Variants in INTS10 observed in about 807,000 individuals in gnomAD.
The protein encoded by INTS10 is integrator complex subunit 10.
In INTS10, 44 loss-of-function variants were observed where a neutral mutation model predicts 94.4. That is an observed-to-expected ratio of 0.47 (90% CI 0.37 to 0.60). The LOEUF is 0.60. INTS10 is among the 20% of genes least tolerant of loss of function. The probability of loss-of-function intolerance (pLI) is 0.00; values close to 1 mark genes in which losing one functional copy is unlikely to be tolerated. For synonymous variants in INTS10, 341 were observed against 320.7 expected, an observed-to-expected ratio of 1.06 and a Z score of -0.68; for missense variants, 797 against 868.7, an observed-to-expected ratio of 0.92 and a Z score of 1.04.
At position 19,849,130 on chromosome 8, in the gene INTS10, G is replaced by A. The variant is rs1400022214; in HGVS notation, c.1977-2519G>A. On this transcript the variant is annotated intron_variant, in intron 16 of 16. Transcript: ENST00000397977. This position sits in a 1 kb window ranked among gnomAD's most constrained non-coding sequence, Gnocchi z 4.6. ...CAGTGCAGGGTGAGTCGGTGTGGGT[G>A]TTTGAATGCTGCTGTTTGCTGTTTT... The A allele has an allele frequency of 6.8e-6, 8 of 1,168,524 alleles. No individual in the cohort carries two copies. In the South Asian group the frequency reaches 1.0e-4, roughly 15 times the overall value. 72.4% of individuals were successfully genotyped at this position (1,168,524 alleles called of 1,614,324 possible).
At chr8:19,821,695 T>C (rs1052073737) in intron 4 of INTS10, 1 of 151,800 alleles carries the variant, frequency 6.6e-6, no homozygotes, top group African/African-American at 2.4e-5. Flanking sequence ...AAAGATACTT[T>C]TTTTAAAAAA....
intron 15 of INTS10, 55 bp downstream of exon 15, chr8:19,844,293 A>G: frequency 8.0e-7 from 1 of 1,252,864 alleles, no homozygotes; most frequent in East Asian, 2.4e-5. Context: ...TAGAATGAAT[A>G]CATGATAGAA....
Position 19,849,229 on chromosome 8 carries a change from A to T in INTS10, c.1977-2420A>T. The T allele has an allele frequency of 7.8e-7, 1 of 1,288,822 alleles. No homozygotes were observed. The highest frequency in any genetic ancestry group is 1.5e-5 in the African/African-American group (1 of 65,912). 79.8% of individuals were successfully genotyped at this position (1,288,822 alleles called of 1,614,324 possible). A position where few individuals can be genotyped will look rare whatever the true frequency, so the allele number is the denominator to read the frequency against. ...ACCTGTGCTTCAGCCCAGCATACAG[A>T]CTGCTGACAGGTACCAAGTGGAATC... is the stretch of plus-strand genomic sequence containing the variant. On this transcript the variant is annotated intron_variant, in intron 16 of 16. Transcript: ENST00000397977. This position sits in a 1 kb window ranked among gnomAD's most constrained non-coding sequence, Gnocchi z 4.6.
chr8:19,834,223 C>G (rs2067472155), intron 12 of INTS10, among the ~76,000 whole-genome samples: 1 of 152,094 alleles, frequency 6.6e-6, no homozygotes, highest in Admixed American at 6.6e-5. Context: ...AACTCAAGGC[C>G]ACAGCATAAC....
intron 12 of INTS10, 49 bp from the exon 13 acceptor site, chr8:19,837,003 C>T (rs1342449780): frequency 1.7e-6 from 2 of 1,183,420 alleles, no homozygotes; most frequent in Admixed American, 3.4e-5. Context: ...TATTTGATTT[C>T]AGTTCAGAAA....
intron 1 of INTS10, 93 bp from the exon 2 acceptor site, chr8:19,818,181 TC>T (rs1405723184): frequency 1.6e-6 from 2 of 1,220,916 alleles, no homozygotes; most frequent in Admixed American, 1.7e-5. Context: ...TCTCAGGCCC[TC>T]CCTTCCTGCA....
At chr8:19,818,418 G>T in intron 2 of INTS10, 76 bp downstream of exon 2, 1 of 1,431,256 alleles carries the variant, frequency 7.0e-7, no homozygotes. Flanking sequence ...GCAGAAGTGG[G>T]AGTTGGGGGA....
intron 2 of INTS10, chr8:19,818,647 G>C (rs2128749679): frequency 2.6e-6 from 1 of 380,618 alleles, no homozygotes; most frequent in East Asian, 5.6e-5. Context: ...AAAAGTGAAA[G>C]TGCATCCTAA....
At chr8:19,848,736 G>C (rs1045176428) in intron 16 of INTS10, 4 of 152,706 alleles carry the variant, frequency 2.6e-5, no homozygotes, top group African/African-American at 9.7e-5. Flanking sequence ...TGTTAAAGAT[G>C]GTTACCAGAC....
At position 19,820,402 on chromosome 8, in the gene INTS10, C is replaced by T. The variant is rs1179348774; in HGVS notation, c.325C>T (p.Arg109Trp). The T allele has an allele frequency of 5.6e-6, 9 of 1,611,116 alleles. No individual in the cohort carries two copies. The highest frequency in any genetic ancestry group is 4.5e-5 in the East Asian group (2 of 44,862). ...AGGTTTATTTGAAACTCTTCCTGGT[C>T]GGGTCCAGTGTGAAATGTTACTAAA... is the stretch of plus-strand genomic sequence containing the variant. ...LRSLFETLPG[R>W]VQCEMLLKVT... Residue 109 changes from arginine (R) to tryptophan (W), a missense_variant, in exon 4 of 17, where the codon CGG becomes TGG. By Grantham distance (101) the Arg-to-Trp change is moderately radical. Around this residue, in one of 3 missense-constraint regions of INTS10, gnomAD observed 734 missense variants for 787.8 expected, o/e 0.93. Coordinates refer to ENST00000397977, the MANE Select transcript of INTS10 (RefSeq NM_018142.4).
At position 19,851,781 on chromosome 8, in the gene INTS10, C is replaced by G; in HGVS notation, c.2109C>G (p.Ile703Met). 1.9e-6 allele frequency: 3 copies of G among 1,614,134 alleles called. No individual in the cohort carries two copies. Among genetic ancestry groups the G allele is most frequent in the Non-Finnish European group, 2.5e-6 (3 of 1,180,002 alleles). ...VLHRFCINEK[I>M]LLLQTLT ...ACAGGTTCTGCATTAATGAGAAGATCTTGCTCCTTCAGACTCTGACCTGAG... is the reference window on the plus strand; with the variant it reads ...ACAGGTTCTGCATTAATGAGAAGATGTTGCTCCTTCAGACTCTGACCTGAG... The change falls in exon 17 of 17, where the codon ATC becomes ATG. Residue 703 changes from isoleucine to methionine, a missense_variant. Ile to Met is a conservative substitution (Grantham distance 10). Around this residue, in one of 3 missense-constraint regions of INTS10, gnomAD observed 47 missense variants for 41.8 expected, o/e 1.12. Coordinates refer to ENST00000397977, the MANE Select transcript of INTS10 (RefSeq NM_018142.4). This position sits in a 1 kb window ranked among gnomAD's most constrained non-coding sequence, Gnocchi z 5.0.
At chr8:19,833,689 T>C (rs1214204136) in intron 12 of INTS10, among the ~76,000 whole-genome samples, 1 of 152,138 alleles carries the variant, frequency 6.6e-6, no homozygotes. Context: ...TTTAGCTTAC[T>C]CAAACTTCAG....
At chr8:19,835,259 A>G (rs961659794) in intron 12 of INTS10, among the ~76,000 whole-genome samples, 10 of 152,076 alleles carry the variant, frequency 6.6e-5, no homozygotes, top group African/African-American at 2.4e-4. Flanking sequence ...TTCCAACCCT[A>G]TAAAATTATA....
intron 7 of INTS10, chr8:19,824,587 AAAGAG>A: frequency 2.1e-6 from 1 of 472,574 alleles, no homozygotes; most frequent in Middle Eastern, 5.3e-4. Context: ...ACTTCAGAGA[AAAGAG>A]AAGCTACTTA....
intron 8 of INTS10, among the ~76,000 whole-genome samples, chr8:19,825,858 A>G (rs1041395476): frequency 1.2e-4 from 19 of 152,340 alleles, no homozygotes; most frequent in Middle Eastern, 3.4e-3. Context: ...GTGCAGATAC[A>G]TAACAAATAC....
intron 10 of INTS10, among the ~76,000 whole-genome samples, chr8:19,830,834 G>A (rs1021473706): frequency 1.2e-4 from 18 of 152,180 alleles, no homozygotes; most frequent in Middle Eastern, 3.4e-3. Flanking sequence ...GACCATGCCC[G>A]GCTAACTTTT....
chr8:19,818,632 G>C, intron 2 of INTS10: 1 of 406,984 alleles, frequency 2.5e-6, no homozygotes, highest in South Asian at 2.6e-5. Context: ...TTGTTATAGA[G>C]AACAAAAAGT....
At chr8:19,844,344 A>T (rs569084139) in intron 15 of INTS10, 106 bp downstream of exon 15, 2 of 907,318 alleles carry the variant, frequency 2.2e-6, no homozygotes, top group Admixed American at 2.9e-5. Flanking sequence ...GATTTTTACT[A>T]TTTTGCAGCG....
At chr8:19,818,055 T>C in intron 1 of INTS10, 1 of 601,992 alleles carries the variant, frequency 1.7e-6, no homozygotes, top group Non-Finnish European at 3.0e-6. Context: ...ACTTTGGAAA[T>C]ATTATCCTAC....
Sources: allele counts gnomAD v4.1 joint callset (sites outside exome capture counted in the v4.1 genomes callset), GRCh38; gene constraint gnomAD v4.1.1; regional missense constraint gnomAD v4.1.1; non-coding constraint Gnocchi (gnomAD v3.1); transcripts MANE v1.5; gene names NCBI Gene and HGNC (gene_info 2026-07-23, HGNC 2026-07-21).